The following IQSEC2 variants were observed in gnomAD, a reference collection of about 807,000 sequenced individuals.
The protein encoded by IQSEC2 is IQ motif and SEC7 domain-containing protein 2.
IQSEC2 carries 6 observed loss-of-function variants against 74.6 expected under a neutral mutation model. The observed-to-expected ratio is 0.08, with a 90% CI of 0.04 to 0.16. IQSEC2 has a LOEUF of 0.16. IQSEC2 is among the 10% of genes least tolerant of loss of function. The pLI, the probability that IQSEC2 is intolerant of heterozygous loss-of-function variation, is 1.00. For missense variants in IQSEC2, 734 were observed against 1,306.2 expected, an observed-to-expected ratio of 0.56 and a Z score of 6.75; for synonymous variants, 494 against 544.5, an observed-to-expected ratio of 0.91 and a Z score of 1.29.
chrX:53,289,785 C>A (rs2075077120), intron 2 of IQSEC2, among the ~76,000 whole-genome samples: 1 of 111,344 alleles, frequency 9.0e-6, no homozygotes. Context: ...TGACTCTGGG[C>A]CCAGGATGGA....
At chrX:53,292,005 G>T in intron 1 of IQSEC2, 81 bp from the exon 2 acceptor site, 4 of 917,258 alleles carry the variant, frequency 4.4e-6, no homozygotes, top group Non-Finnish European at 6.1e-6. Context: ...AGTGGCTTTG[G>T]GGGGCCTTGA....
At chrX:53,253,620 C>T (rs2074422440) in intron 4 of IQSEC2, among the ~76,000 whole-genome samples, 1 of 112,186 alleles carries the variant, frequency 8.9e-6, no homozygotes, top group African/African-American at 3.2e-5. Context: ...GTGGTTCTCC[C>T]AGAAGAAAGT....
At chrX:53,319,739 C>T (rs782044581) in intron 1 of IQSEC2, among the ~76,000 whole-genome samples, 1 of 111,689 alleles carries the variant, frequency 9.0e-6, no homozygotes, top group East Asian at 2.8e-4. Flanking sequence ...TCTAGACTTC[C>T]CTTCCCGGTA....
intron 2 of IQSEC2, among the ~76,000 whole-genome samples, chrX:53,257,467 C>T (rs782702905): frequency 1.7e-4 from 19 of 111,923 alleles, no homozygotes; most frequent in Admixed American, 3.8e-4. Flanking sequence ...GGGCCTGGGG[C>T]GGTGGCCCTG....
At chrX:53,288,850 G>T (rs781851658) in intron 2 of IQSEC2, among the ~76,000 whole-genome samples, 1 of 112,063 alleles carries the variant, frequency 8.9e-6, no homozygotes, top group African/African-American at 3.2e-5. Flanking sequence ...GTGACCTCGA[G>T]CGATGGCCAA....
Position 53,291,943 on chromosome X carries a change from A to C in IQSEC2, c.708-19T>G. ...ATCAGATCTGAAAGGGAAACAGAGA[A>C]AAAAAACCAAAACGGTCAGTATACG... On this transcript the variant is annotated intron_variant, in intron 1 of 14. Coordinates refer to ENST00000642864, the MANE Select transcript of IQSEC2 (RefSeq NM_001111125.3). 1 of 1,163,333 alleles carries C rather than the reference A, an allele frequency of 8.6e-7. No individual in the cohort carries two copies. Among genetic ancestry groups the C allele is most frequent in the Non-Finnish European group, 1.2e-6 (1 of 868,925 alleles).
chrX:53,261,092 C>T (rs968084040), intron 2 of IQSEC2, among the ~76,000 whole-genome samples: 2 of 111,226 alleles, frequency 1.8e-5, no homozygotes, highest in African/African-American at 6.5e-5. Flanking sequence ...TGCTTGACGG[C>T]GTTGCTTCTG....
chrX:53,266,855 G>A (rs1354290524), intron 2 of IQSEC2: 4 of 1,068,040 alleles, frequency 3.7e-6, no homozygotes, highest in Non-Finnish European at 1.2e-6. Context: ...TCTGGTTCCT[G>A]AAGCAGGGGA....
intron 2 of IQSEC2, among the ~76,000 whole-genome samples, chrX:53,270,210 T>G (rs1380101165): frequency 1.8e-5 from 2 of 110,790 alleles, no homozygotes; most frequent in Non-Finnish European, 3.8e-5. Flanking sequence ...AAAACATACC[T>G]TGGAGTCACC....
chrX:53,292,003 T>TG, intron 1 of IQSEC2, 79 bp from the exon 2 acceptor site: 1 of 905,947 alleles, frequency 1.1e-6, no homozygotes, highest in African/African-American at 2.0e-5. Flanking sequence ...AGAGTGGCTT[T>TG]GGGGGGCCTT....
Position 53,246,362 on chromosome X carries a change from C to T in IQSEC2, c.2749+607G>A, listed in dbSNP as rs782137689. On this transcript the variant is annotated intron_variant, in intron 8 of 14. Coordinates refer to ENST00000642864, the MANE Select transcript of IQSEC2 (RefSeq NM_001111125.3). Reference sequence around the variant, plus strand: ...TTTGAGCTCTGACTGCACTTTTGGCCTCTCTGATGTCACTGTTCACTTTCT... The same window carrying T: ...TTTGAGCTCTGACTGCACTTTTGGCTTCTCTGATGTCACTGTTCACTTTCT... Among the ~76,000 whole-genome samples, 9 of 111,812 alleles carry T rather than the reference C, an allele frequency of 8.0e-5. No individual in the cohort carries two copies. The South Asian group carries it at 2.6e-3, about 32-fold the overall frequency.
In IQSEC2 at chrX:53,255,842, T is replaced by C. The variant is rs782803496; in HGVS notation, c.957A>G (p.Leu319=). Residue 319 remains leucine (L), a synonymous_variant, in exon 3 of 15, where the codon CTA becomes CTG. Transcript: ENST00000642864. The part of the protein sequence containing the change: ...EEEEIKRSKA[L]SDSYELSTDL... ...CTGTGGAGAGTTCATAGCTGTCCGA[T>C]AGGGCCTTGGAGCGCTTTATCTCCT... 3 of 1,210,329 alleles carry C rather than the reference T, an allele frequency of 2.5e-6. No homozygotes were observed. The highest frequency in any genetic ancestry group is 3.4e-6 in the Non-Finnish European group (3 of 895,120).
At chrX:53,269,989 C>T (rs1556868353) in intron 2 of IQSEC2, among the ~76,000 whole-genome samples, 1 of 110,540 alleles carries the variant, frequency 9.0e-6, no homozygotes, top group Non-Finnish European at 1.9e-5. Flanking sequence ...TGGCCCTCTT[C>T]TCTTTCACTC....
At chrX:53,238,412 C>T in intron 11 of IQSEC2, 106 bp from the exon 12 acceptor site, 1 of 783,145 alleles carries the variant, frequency 1.3e-6, no homozygotes, top group Non-Finnish European at 1.9e-6. Context: ...GACAACATCT[C>T]TCTGTCACCC....
chrX:53,306,893 G>C (rs2075267704), intron 1 of IQSEC2, among the ~76,000 whole-genome samples: 1 of 111,062 alleles, frequency 9.0e-6, no homozygotes, highest in Non-Finnish European at 1.9e-5. Flanking sequence ...GGCCCAGAGA[G>C]ACTCCAGACT....
intron 2 of IQSEC2, among the ~76,000 whole-genome samples, chrX:53,275,728 CTTTTTT>C (rs1219701474): frequency 2.4e-5 from 2 of 81,692 alleles, no homozygotes; most frequent in African/African-American, 4.7e-5. Flanking sequence ...TGCCCTCATT[CTTTTTT>C]TTTTTTTTTT....
In IQSEC2 at chrX:53,248,846, C is replaced by T. The variant is rs782564038; in HGVS notation, c.2334G>A (p.Arg778=). ...PEKGIQYLIE[R]GFLSDTPVGV... ...CCACCGGTGTGTCTGACAGGAAGCC[C>T]CGCTCGATCAGATACTGGATACCCT... Residue 778 remains arginine, a synonymous_variant, in exon 6 of 15, where the codon CGG becomes CGA. Coordinates refer to ENST00000642864, the MANE Select transcript of IQSEC2 (RefSeq NM_001111125.3). 24 of 1,209,381 alleles carry T rather than the reference C, an allele frequency of 2.0e-5. No homozygotes were observed. Among genetic ancestry groups the T allele is most frequent in the Non-Finnish European group, 2.6e-5 (23 of 894,968 alleles).
chrX:53,269,703 T>TGCCTCATGCGCCCACCACTCC (rs1303212685), intron 2 of IQSEC2, among the ~76,000 whole-genome samples: 10 of 110,893 alleles, frequency 9.0e-5, no homozygotes, highest in African/African-American at 2.6e-4. Flanking sequence ...CACTCCAATC[T>TGCCTCATGCGCCCACCACTCC]GCCTCATGCG....
chrX:53,247,146 G>T lies in IQSEC2; in HGVS notation c.2583-11C>A, dbSNP rs1556862219. Reference sequence around the variant, plus strand: ...ACACAGTACCGCTGGCTGCAGGGCAGGAGGGGTCAAAGCCAGACTCAGGAA... The same window carrying T: ...ACACAGTACCGCTGGCTGCAGGGCATGAGGGGTCAAAGCCAGACTCAGGAA... On this transcript the variant is annotated splice_polypyrimidine_tract_variant and intron_variant, in intron 7 of 14. Transcript: ENST00000642864. The T allele has an allele frequency of 1.7e-6, 2 of 1,205,413 alleles. No individual in the cohort carries two copies. Among genetic ancestry groups the T allele is most frequent in the African/African-American group, 1.8e-5 (1 of 56,916 alleles).
Sources: allele counts gnomAD v4.1 joint callset (sites outside exome capture counted in the v4.1 genomes callset), GRCh38; gene constraint gnomAD v4.1.1; transcripts MANE v1.5; gene names NCBI Gene and HGNC (gene_info 2026-07-23, HGNC 2026-07-21).